Variants in TNNI3K observed in about 807,000 individuals in gnomAD.
The protein encoded by TNNI3K is serine/threonine-protein kinase TNNI3K.
Under a neutral mutation model 114.5 loss-of-function variants are expected in TNNI3K, and 140 were observed. That is an observed-to-expected ratio of 1.22 (90% CI 1.07 to 1.41). TNNI3K has a LOEUF of 1.41. Among genes scored for constraint, TNNI3K ranks in the 40% most tolerant of loss-of-function variants. The probability of loss-of-function intolerance (pLI) is 0.00; values close to 1 mark genes in which losing one functional copy is unlikely to be tolerated. For synonymous variants in TNNI3K, 347 were observed against 347.5 expected (o/e 1.00, Z 0.02); for missense variants, 1,125 against 1,007.6 (o/e 1.12, Z -1.58).
At chr1:74,240,086 A>AT in intron 2 of TNNI3K, 1 of 371,770 alleles carries the variant, frequency 2.7e-6, no homozygotes, top group South Asian at 2.2e-5. Context: ...CTTTATCAAC[A>AT]TAACAGCACT....
At chr1:74,526,323 C>T (rs1231966290) in intron 23 of TNNI3K, among the ~76,000 whole-genome samples, 2 of 152,044 alleles carry the variant, frequency 1.3e-5, no homozygotes, top group South Asian at 4.1e-4. Context: ...CTGTGGGCTC[C>T]AATCTAGTTG....
At chr1:74,494,623 A>G (rs1350090718) in intron 23 of TNNI3K, among the ~76,000 whole-genome samples, 1 of 152,198 alleles carries the variant, frequency 6.6e-6, no homozygotes, top group Non-Finnish European at 1.5e-5. Context: ...TGATATTTCT[A>G]AAGCACAGTC....
chr1:74,266,427 C>T (rs911608938), intron 4 of TNNI3K, among the ~76,000 whole-genome samples: 1 of 151,928 alleles, frequency 6.6e-6, no homozygotes, highest in African/African-American at 2.4e-5. Context: ...CTTCTATGTC[C>T]TAGCCTTAGA....
At position 74,236,201 on chromosome 1, in the gene TNNI3K, A is replaced by C. The variant is rs1653847695; in HGVS notation, c.140A>C (p.Asn47Thr). ...GAAAAAGAACTGACAGAACTAAGGA[A>C]TATATTTGGGTAAAGTTGTAAGAGT... is the stretch of plus-strand genomic sequence containing the variant. ...IKEKELTELR[N>T]IFGSDEAFSK... Residue 47 changes from asparagine (N) to threonine (T), a missense_variant, in exon 2 of 25, where the codon AAT becomes ACT. Asn to Thr is a moderately conservative substitution (Grantham distance 65). Transcript: ENST00000326637. The C allele has an allele frequency of 6.2e-7, 1 of 1,604,652 alleles. No individual in the cohort carries two copies. Among genetic ancestry groups the C allele is most frequent in the Admixed American group, 1.7e-5 (1 of 59,432 alleles).
Position 74,250,663 on chromosome 1 carries a change from C to A in TNNI3K, c.236-9C>A, listed in dbSNP as rs1310393809. The A allele has an allele frequency of 6.2e-7, 1 of 1,602,638 alleles. No individual in the cohort carries two copies. The highest frequency in any genetic ancestry group is 8.5e-7 in the Non-Finnish European group (1 of 1,176,566). ...AATGATTTAGCCTTTTTTCATTTTT[C>A]TCTTTAAGGCAAGAAATCACATATT... On this transcript the variant is annotated splice_polypyrimidine_tract_variant and intron_variant, in intron 3 of 24. Transcript: ENST00000326637.
At chr1:74,455,025 A>G (rs553420523) in intron 20 of TNNI3K, among the ~76,000 whole-genome samples, 33 of 152,176 alleles carry the variant, frequency 2.2e-4, no homozygotes, top group Non-Finnish European at 4.3e-4. Context: ...TTTCTGGGCC[A>G]GGAACTGTGC....
At chr1:74,465,231 G>A (rs953958704) in intron 21 of TNNI3K, among the ~76,000 whole-genome samples, 4 of 152,302 alleles carry the variant, frequency 2.6e-5, no homozygotes, top group Non-Finnish European at 5.9e-5. Context: ...CCCTCTCTGG[G>A]CTGGCCGAGG....
chr1:74,330,583 A>G (rs1283911202), intron 5 of TNNI3K, among the ~76,000 whole-genome samples: 1 of 152,178 alleles, frequency 6.6e-6, no homozygotes, highest in Non-Finnish European at 1.5e-5. Context: ...GTTACTCATC[A>G]CTGAGTAGTC....
chr1:74,539,878 A>T (rs1646705781), intron 23 of TNNI3K, among the ~76,000 whole-genome samples: 1 of 152,090 alleles, frequency 6.6e-6, no homozygotes, highest in Non-Finnish European at 1.5e-5. Context: ...TATTACTAAG[A>T]TAATAATGTT....
intron 20 of TNNI3K, among the ~76,000 whole-genome samples, chr1:74,442,510 T>G (rs1472874402): frequency 6.6e-6 from 1 of 152,120 alleles, no homozygotes; most frequent in Non-Finnish European, 1.5e-5. Context: ...TTGTTGGAAT[T>G]TGATTCGATT....
At chr1:74,288,283 C>T (rs1287341660) in intron 5 of TNNI3K, among the ~76,000 whole-genome samples, 1 of 152,046 alleles carries the variant, frequency 6.6e-6, no homozygotes, top group Non-Finnish European at 1.5e-5. Flanking sequence ...AATGGTGTCT[C>T]ATTCTATTGC....
At chr1:74,376,789 C>G (rs1388389178) in intron 17 of TNNI3K, 1 of 151,376 alleles carries the variant, frequency 6.6e-6, no homozygotes, top group East Asian at 1.9e-4. Context: ...CATTTACAAA[C>G]TTTCCTGAAG....
chr1:74,507,937 G>T (rs923246565), intron 23 of TNNI3K, among the ~76,000 whole-genome samples: 1 of 152,174 alleles, frequency 6.6e-6, no homozygotes, highest in African/African-American at 2.4e-5. Context: ...CTGGGAGTTT[G>T]CCAGGAACCA....
At chr1:74,389,687 C>T (rs1663664798) in intron 17 of TNNI3K, among the ~76,000 whole-genome samples, 1 of 152,222 alleles carries the variant, frequency 6.6e-6, no homozygotes, top group African/African-American at 2.4e-5. Context: ...AGTACCATTA[C>T]ACCAAGCATA....
intron 5 of TNNI3K, among the ~76,000 whole-genome samples, chr1:74,321,949 A>G (rs528024558): frequency 1.8e-4 from 27 of 152,206 alleles, no homozygotes; most frequent in African/African-American, 6.3e-4. Context: ...AACGTTTGTA[A>G]TGGTTGTCAA....
At chr1:74,272,869 G>C (rs1054227600) in intron 5 of TNNI3K, among the ~76,000 whole-genome samples, 6 of 151,832 alleles carry the variant, frequency 4.0e-5, no homozygotes, top group Non-Finnish European at 7.4e-5. Context: ...TTGAGGAAAA[G>C]AGCCATGTTT....
At chr1:74,376,639 G>GA (rs1662918994) in intron 17 of TNNI3K, 1 of 151,818 alleles carries the variant, frequency 6.6e-6, no homozygotes, top group South Asian at 2.1e-4. Context: ...ATTTGCACTT[G>GA]AAAAATGTCA....
chr1:74,295,112 T>A (rs1466733065), intron 5 of TNNI3K, among the ~76,000 whole-genome samples: 1 of 152,096 alleles, frequency 6.6e-6, no homozygotes, highest in South Asian at 2.1e-4. Flanking sequence ...TTTCCATTAT[T>A]ATTTGTCTCA....
chr1:74,296,683 ATATTTTTAGTGGT>A (rs1200138017), intron 5 of TNNI3K, among the ~76,000 whole-genome samples: 1 of 152,108 alleles, frequency 6.6e-6, no homozygotes, highest in Non-Finnish European at 1.5e-5. Context: ...ATTTTGAAGG[ATATTTTTAGTGGT>A]TACTGAATTC....
Sources: gnomAD v4.1 joint callset for allele counts (sites outside exome capture counted in the v4.1 genomes callset) on GRCh38, gnomAD v4.1.1 for gene constraint, MANE v1.5 for transcripts, NCBI Gene and HGNC (gene_info 2026-07-23, HGNC 2026-07-21) for gene names.